Variants in FHIT observed in about 807,000 individuals in gnomAD.
FHIT encodes bis(5'-adenosyl)-triphosphatase.
FHIT carries 19 observed loss-of-function variants against 17.9 expected under a neutral mutation model. The ratio of observed to expected loss-of-function variants is 1.06; its 90% CI spans 0.74 to 1.56. The LOEUF (loss-of-function observed/expected upper bound fraction) is 1.56, where lower values mean the gene tolerates loss of function less well. FHIT is among the 40% of genes most tolerant of loss of function. The pLI, the probability that FHIT is intolerant of heterozygous loss-of-function variation, is 0.00. For synonymous variants in FHIT, 81 were observed against 69.7 expected (o/e 1.16, Z -0.81); for missense variants, 248 against 189.2 (o/e 1.31, Z -1.82).
At chr3:61,123,106 G>A (rs910129437) in intron 2 of FHIT, among the ~76,000 whole-genome samples, 44 of 152,070 alleles carry the variant, frequency 2.9e-4, no homozygotes, top group African/African-American at 8.9e-4. Context: ...CAACCCAAAC[G>A]CCCATTAATG....
At chr3:60,662,321 G>C (rs1401595336) in intron 4 of FHIT, among the ~76,000 whole-genome samples, 2 of 152,032 alleles carry the variant, frequency 1.3e-5, no homozygotes, top group African/African-American at 4.8e-5. Context: ...TTGTGTTTTT[G>C]TTTGCTTTGT....
At chr3:61,233,582 G>A (rs932646930) in intron 1 of FHIT, among the ~76,000 whole-genome samples, 5 of 152,144 alleles carry the variant, frequency 3.3e-5, no homozygotes, top group Admixed American at 3.3e-4. Context: ...TTGTGCATCT[G>A]TGCATTTATA....
At chr3:60,249,556 T>G (rs1429663737) in intron 5 of FHIT, among the ~76,000 whole-genome samples, 3 of 151,720 alleles carry the variant, frequency 2.0e-5, no homozygotes, top group Admixed American at 1.3e-4. Flanking sequence ...TCAACAGTTA[T>G]CAGAAGAGCC....
At chr3:60,737,107 A>G (rs1553712803) in intron 4 of FHIT, among the ~76,000 whole-genome samples, 2 of 152,212 alleles carry the variant, frequency 1.3e-5, no homozygotes, top group African/African-American at 4.8e-5. Context: ...TGAGGTTAAC[A>G]GCATGCAACA....
intron 5 of FHIT, among the ~76,000 whole-genome samples, chr3:60,433,064 C>G (rs1228919953): frequency 6.6e-6 from 1 of 151,996 alleles, no homozygotes; most frequent in East Asian, 1.9e-4. Context: ...TTATATCTGT[C>G]AGACAGAAAC....
chr3:60,331,601 C>G (rs1232860822), intron 5 of FHIT, among the ~76,000 whole-genome samples: 1 of 152,116 alleles, frequency 6.6e-6, no homozygotes, highest in African/African-American at 2.4e-5. Context: ...AATCCCAGCA[C>G]TTTGGGAGGC....
At chr3:61,149,565 A>G (rs890159959) in intron 2 of FHIT, among the ~76,000 whole-genome samples, 3 of 152,094 alleles carry the variant, frequency 2.0e-5, no homozygotes, top group African/African-American at 7.2e-5. Flanking sequence ...CCAAAGTAAA[A>G]TTATTTTTAT....
At chr3:60,740,024 T>C (rs1484796222) in intron 4 of FHIT, among the ~76,000 whole-genome samples, 8 of 152,256 alleles carry the variant, frequency 5.3e-5, no homozygotes, top group African/African-American at 1.9e-4. Context: ...AATATCCTTC[T>C]ATCTGATTAG....
chr3:60,847,554 T>C (rs1449572712), intron 3 of FHIT, among the ~76,000 whole-genome samples: 1 of 152,144 alleles, frequency 6.6e-6, no homozygotes, highest in Non-Finnish European at 1.5e-5. Context: ...AAAGCATCCC[T>C]ATCAACTCTC....
intron 8 of FHIT, among the ~76,000 whole-genome samples, chr3:59,912,815 A>G (rs1031940845): frequency 4.6e-5 from 7 of 152,242 alleles, no homozygotes; most frequent in East Asian, 1.9e-4. Context: ...CAAGATATTT[A>G]TGGTCCATTA....
chr3:60,406,728 G>T (rs1701874236), intron 5 of FHIT, among the ~76,000 whole-genome samples: 1 of 152,040 alleles, frequency 6.6e-6, no homozygotes, highest in Admixed American at 6.6e-5. Context: ...GTTGTTTCCA[G>T]CAGCCCAACC....
At chr3:61,232,777 G>C (rs2040137645) in intron 1 of FHIT, among the ~76,000 whole-genome samples, 1 of 152,098 alleles carries the variant, frequency 6.6e-6, no homozygotes, top group Admixed American at 6.6e-5. Context: ...GGTTAACTTG[G>C]GCCCAGTTTG....
At chr3:59,912,599 C>T (rs1047886490) in intron 8 of FHIT, among the ~76,000 whole-genome samples, 1 of 152,130 alleles carries the variant, frequency 6.6e-6, no homozygotes, top group Admixed American at 6.5e-5. Flanking sequence ...AACAGAGAAG[C>T]CAGTGAAATT....
At chr3:60,783,655 A>T (rs1433459939) in intron 4 of FHIT, among the ~76,000 whole-genome samples, 1 of 151,406 alleles carries the variant, frequency 6.6e-6, no homozygotes, top group South Asian at 2.1e-4. Context: ...TTCTATAACT[A>T]ATTGGTTATT....
At chr3:60,104,071 G>T (rs1161595137) in intron 5 of FHIT, among the ~76,000 whole-genome samples, 1 of 152,184 alleles carries the variant, frequency 6.6e-6, no homozygotes, top group African/African-American at 2.4e-5. Flanking sequence ...TGAGAAGAGT[G>T]AGGAAGGTAG....
intron 4 of FHIT, among the ~76,000 whole-genome samples, chr3:60,605,614 G>A (rs1382106335): frequency 6.6e-6 from 1 of 152,138 alleles, no homozygotes; most frequent in African/African-American, 2.4e-5. Context: ...TGTGCTGCAG[G>A]CTAAAACTAC....
intron 8 of FHIT, among the ~76,000 whole-genome samples, chr3:59,879,708 A>G (rs1344538146): frequency 6.6e-6 from 1 of 152,212 alleles, no homozygotes; most frequent in Non-Finnish European, 1.5e-5. Context: ...CAAACATTAT[A>G]TTGGACACTG....
intron 3 of FHIT, among the ~76,000 whole-genome samples, chr3:61,021,104 G>GTCAA (rs1161342205): frequency 3.3e-5 from 5 of 152,094 alleles, no homozygotes; most frequent in Admixed American, 3.3e-4. Context: ...ACACCCCACT[G>GTCAA]TCAATATTAG....
rs1246408011 is a variant in FHIT at position 60,043,415 on chromosome 3, C to A, written c.104-29263G>T. On this transcript the variant is annotated intron_variant, in intron 5 of 9. Transcript: ENST00000492590. The stretch of plus-strand genomic sequence containing the variant: ...TTTCTAGCACCGTGCCAGGCACTTA[C>A]CATGATAATTTTATGCCATTTTCAC... 4.6e-5 allele frequency among the ~76,000 whole-genome samples: 7 copies of A among 152,276 alleles called. No homozygotes were observed. In the East Asian group the frequency reaches 1.4e-3, roughly 29 times the overall value.
Sources: allele counts gnomAD v4.1 joint callset (sites outside exome capture counted in the v4.1 genomes callset), GRCh38; gene constraint gnomAD v4.1.1; transcripts MANE v1.5; gene names NCBI Gene and HGNC (gene_info 2026-07-23, HGNC 2026-07-21).